TBC1D9: variants seen among roughly 807,000 people sequenced by gnomAD.
TBC1D9 encodes TBC1 domain family member 9A.
A neutral mutation model predicts 132.0 loss-of-function variants in TBC1D9; 63 were observed. The ratio of observed to expected loss-of-function variants is 0.48; its 90% CI spans 0.39 to 0.59. TBC1D9 has a LOEUF of 0.59. Ranked by LOEUF, TBC1D9 falls within the 20% of genes least tolerant of loss-of-function variation. The pLI is 0.00. For synonymous variants in TBC1D9, 610 were observed against 609.9 expected (o/e 1.00, Z 0.00); for missense variants, 1,261 against 1,592.7 (o/e 0.79, Z 3.54).
Position 140,622,595 on chromosome 4 carries a change from T to C in TBC1D9, c.3401A>G (p.Lys1134Arg). Residue 1134 changes from lysine to arginine, a missense_variant, in exon 21 of 21, where the codon AAG (lysine) becomes AGG (arginine). This residue lies in a region of TBC1D9 where 618 missense variants were observed against 724.4 expected (regional missense o/e 0.85). Transcript: ENST00000442267. ...GTCCCGGGGCGAGGAGTCCTCCAGCTTGATGTCCTCCATTTGTCCTCCAAG... is the reference window on the plus strand; with the variant it reads ...GTCCCGGGGCGAGGAGTCCTCCAGCCTGATGTCCTCCATTTGTCCTCCAAG... ...HSLGGQMEDI[K>R]LEDSSPRDNG... The C allele has an allele frequency of 6.2e-7, 1 of 1,613,978 alleles. No homozygotes were observed. Among genetic ancestry groups the C allele is most frequent in the Non-Finnish European group, 8.5e-7 (1 of 1,179,868 alleles).
chr4:140,622,179 C>CG lies in TBC1D9; in HGVS notation c.*15dup, dbSNP rs1205655510. The CG allele has an allele frequency of 1.3e-6, 2 of 1,557,668 alleles. No individual in the cohort carries two copies. The highest frequency in any genetic ancestry group is 1.7e-6 in the Non-Finnish European group (2 of 1,143,458). ...TCCCCTCCCTCTCCTCCCACTCCCC[C>CG]GGGAAGGCGCCCGTGTCAGCCGGAC... On this transcript the variant is annotated 3_prime_UTR_variant, in exon 21 of 21. Coordinates refer to ENST00000442267, the MANE Select transcript of TBC1D9 (RefSeq NM_015130.3).
intron 15 of TBC1D9, among the ~76,000 whole-genome samples, chr4:140,638,556 T>G (rs1578817609): frequency 6.7e-6 from 1 of 149,802 alleles, no homozygotes. Flanking sequence ...CCGGGTGTGG[T>G]GGTGTGCGCC....
intron 20 of TBC1D9, among the ~76,000 whole-genome samples, chr4:140,623,844 T>C (rs1009332615): frequency 2.0e-5 from 3 of 152,222 alleles, no homozygotes; most frequent in African/African-American, 7.2e-5. Flanking sequence ...TTCGAGTATC[T>C]GAGGGTATTT....
At chr4:140,753,676 G>T (rs1578868936) in intron 1 of TBC1D9, among the ~76,000 whole-genome samples, 1 of 152,100 alleles carries the variant, frequency 6.6e-6, no homozygotes, top group South Asian at 2.1e-4. Flanking sequence ...TTTGGATTCT[G>T]TTTTCTGCTG....
chr4:140,729,973 A>G (rs1392594663), intron 1 of TBC1D9, among the ~76,000 whole-genome samples: 1 of 151,956 alleles, frequency 6.6e-6, no homozygotes, highest in Non-Finnish European at 1.5e-5. Flanking sequence ...TTTTCCAGGT[A>G]TTTTGTTGTG....
chr4:140,701,953 G>A (rs1045850932), intron 1 of TBC1D9, among the ~76,000 whole-genome samples: 1 of 152,204 alleles, frequency 6.6e-6, no homozygotes, highest in Non-Finnish European at 1.5e-5. Context: ...AACAAACCCT[G>A]TGGGCACAAA....
At chr4:140,659,890 T>C (rs1737330443) in intron 10 of TBC1D9, among the ~76,000 whole-genome samples, 185 bp from the exon 11 acceptor site, 1 of 152,190 alleles carries the variant, frequency 6.6e-6, no homozygotes, top group South Asian at 2.1e-4. Flanking sequence ...CTGAGTTTTG[T>C]TTTATGACCC....
intron 2 of TBC1D9, among the ~76,000 whole-genome samples, 188 bp from the exon 3 acceptor site, chr4:140,686,650 A>C (rs1053794095): frequency 4.6e-5 from 7 of 152,192 alleles, no homozygotes; most frequent in African/African-American, 1.4e-4. Flanking sequence ...GAAACGCAAG[A>C]GTAATATTAT....
chr4:140,708,906 G>A (rs1487017631), intron 1 of TBC1D9, among the ~76,000 whole-genome samples: 1 of 152,098 alleles, frequency 6.6e-6, no homozygotes, highest in African/African-American at 2.4e-5. Flanking sequence ...GGTATTATTG[G>A]CAATAGGGGA....
intron 2 of TBC1D9, among the ~76,000 whole-genome samples, chr4:140,689,177 T>C (rs1310037296): frequency 2.0e-5 from 3 of 152,148 alleles, no homozygotes; most frequent in Non-Finnish European, 4.4e-5. Flanking sequence ...AGATATGCCT[T>C]GTAGAGTCTG....
intron 2 of TBC1D9, among the ~76,000 whole-genome samples, chr4:140,698,716 C>A (rs1346566321): frequency 6.8e-6 from 1 of 147,170 alleles, no homozygotes; most frequent in African/African-American, 2.5e-5. Flanking sequence ...CGAGCCTGGG[C>A]GACAGAGTGA....
intron 1 of TBC1D9, among the ~76,000 whole-genome samples, chr4:140,716,810 C>T (rs1304560033): frequency 6.6e-6 from 1 of 151,360 alleles, no homozygotes; most frequent in African/African-American, 2.4e-5. Flanking sequence ...ATTATATTGT[C>T]TACACCTAGT....
At chr4:140,641,092 A>C (rs1336909482) in intron 13 of TBC1D9, among the ~76,000 whole-genome samples, 2 of 100,752 alleles carry the variant, frequency 2.0e-5, no homozygotes, top group Non-Finnish European at 2.0e-5. Context: ...ATACTAAGCA[A>C]AAAAAAAAAA....
intron 2 of TBC1D9, among the ~76,000 whole-genome samples, chr4:140,690,825 C>A (rs1347270332): frequency 1.3e-5 from 2 of 152,114 alleles, no homozygotes; most frequent in Non-Finnish European, 2.9e-5. Context: ...GAGAGCACTA[C>A]TCGAGTCAGA....
rs1012768191 is a variant in TBC1D9, at chr4:140,638,499, T to TA, written c.2505+586dup. Among the ~76,000 whole-genome samples, 719 of 125,850 alleles carry TA rather than the reference T, an allele frequency of 5.7e-3. 4 individuals are homozygous for TA. Among genetic ancestry groups the TA allele is most frequent in the African/African-American group, 0.02 (653 of 33,314 alleles). 82.6% of individuals were successfully genotyped at this position (125,850 alleles called of 152,430 possible). A position where few individuals can be genotyped will look rare whatever the true frequency, so the allele number is the denominator to read the frequency against. Reference sequence around the variant, plus strand: ...CAACATGGTGAAACCCCATCTCTACTAAAAAAAAAGAAAAAAAAAAAGAAA... The same window carrying TA: ...CAACATGGTGAAACCCCATCTCTACTAAAAAAAAAAGAAAAAAAAAAAGAAA... On this transcript the variant is annotated intron_variant, in intron 15 of 20. Coordinates refer to ENST00000442267, the MANE Select transcript of TBC1D9 (RefSeq NM_015130.3).
At position 140,657,429 on chromosome 4, in the gene TBC1D9, T is replaced by C. The variant is rs1737290726; in HGVS notation, c.2207+98A>G. The C allele has an allele frequency of 2.1e-6, 3 of 1,395,392 alleles. No homozygotes were observed. The Admixed American group carries it at 6.7e-5, about 31-fold the overall frequency. 86.4% of individuals were successfully genotyped at this position (1,395,392 alleles called of 1,614,324 possible). A position where few individuals can be genotyped will look rare whatever the true frequency, so the allele number is the denominator to read the frequency against. ...CCTCAGCCACAGGAAGAAGCGGGCA[T>C]TATGATCACCATCAAATCAGTTAAG... On this transcript the variant is annotated intron_variant, in intron 12 of 20. Coordinates refer to ENST00000442267, the MANE Select transcript of TBC1D9 (RefSeq NM_015130.3).
chr4:140,752,126 TAGCCACATTATCC>T, intron 1 of TBC1D9, among the ~76,000 whole-genome samples: 1 of 152,038 alleles, frequency 6.6e-6, no homozygotes, highest in African/African-American at 2.4e-5. Context: ...AAAATGACCA[TAGCCACATTATCC>T]ATAATGCCCC....
intron 16 of TBC1D9, among the ~76,000 whole-genome samples, chr4:140,630,449 T>G (rs1434244962): frequency 6.6e-6 from 1 of 152,214 alleles, no homozygotes; most frequent in Admixed American, 6.5e-5. Flanking sequence ...TGCCCAGATA[T>G]CTGCATTGTC....
intron 1 of TBC1D9, among the ~76,000 whole-genome samples, chr4:140,704,700 T>C (rs1738124434): frequency 1.3e-5 from 2 of 152,148 alleles, no homozygotes; most frequent in Admixed American, 1.3e-4. Flanking sequence ...TCTGAAAAGG[T>C]CTAACCCAAT....
Sources: allele counts gnomAD v4.1 joint callset (sites outside exome capture counted in the v4.1 genomes callset), GRCh38; gene constraint gnomAD v4.1.1; regional missense constraint gnomAD v4.1.1; transcripts MANE v1.5; gene names NCBI Gene and HGNC (gene_info 2026-07-23, HGNC 2026-07-21).